The following DUXA variants were observed in gnomAD, a reference collection of about 807,000 sequenced individuals.
DUXA encodes the protein double homeobox A.
DUXA carries 25 observed loss-of-function variants against 27.5 expected under a neutral mutation model. The observed-to-expected ratio is 0.91, with a 90% CI of 0.66 to 1.27. The LOEUF is 1.27. DUXA is among the 50% of genes most tolerant of loss of function. The pLI is 0.00. For synonymous variants in DUXA, 90 were observed against 80.5 expected, an observed-to-expected ratio of 1.12 and a Z score of -0.63; for missense variants, 247 against 242.9, an observed-to-expected ratio of 1.02 and a Z score of -0.11.
At chr19:57,155,174 C>A in intron 5 of DUXA, 93 bp downstream of exon 5, 1 of 1,171,192 alleles carries the variant, frequency 8.5e-7, no homozygotes, top group Admixed American at 1.9e-5. Context: ...TATCCTCCAC[C>A]TCCCAGGAGG....
chr19:57,164,281 A>T (rs2087039597), intron 1 of DUXA, among the ~76,000 whole-genome samples: 1 of 152,180 alleles, frequency 6.6e-6, no homozygotes, highest in South Asian at 2.1e-4. Flanking sequence ...ACCCACAAAA[A>T]TTCAAAATCA....
At chr19:57,166,412 C>T (rs1272998096) in intron 1 of DUXA, among the ~76,000 whole-genome samples, 2 of 152,186 alleles carry the variant, frequency 1.3e-5, no homozygotes, top group African/African-American at 4.8e-5. Context: ...TGGGTTCAAG[C>T]AATTCTCCTG....
chr19:57,160,208 C>A (rs2087013651), intron 2 of DUXA, among the ~76,000 whole-genome samples: 1 of 152,080 alleles, frequency 6.6e-6, no homozygotes, highest in Non-Finnish European at 1.5e-5. Flanking sequence ...CTTCGGTGAG[C>A]CTTGATTGTG....
intron 1 of DUXA, among the ~76,000 whole-genome samples, chr19:57,163,993 G>C (rs1362319559): frequency 6.6e-6 from 1 of 152,032 alleles, no homozygotes; most frequent in African/African-American, 2.4e-5. Flanking sequence ...GGACAGGTGG[G>C]TTCCTTGAGT....
intron 3 of DUXA, 59 bp downstream of exon 3, chr19:57,159,108 G>T: frequency 6.9e-7 from 1 of 1,449,108 alleles, no homozygotes; most frequent in Non-Finnish European, 9.5e-7. Context: ...TTTCAAAGTC[G>T]CAGTTGGCTC....
At chr19:57,157,540 G>A (rs8108719) in intron 4 of DUXA, among the ~76,000 whole-genome samples, 109,489 of 151,662 alleles carry the variant, frequency 0.72, 39,849 homozygotes, top group South Asian at 0.85. Context: ...CATGTTGGCC[G>A]GGCTGGTCTT....
chr19:57,154,156 G>C lies in DUXA; in HGVS notation c.*256C>G, dbSNP rs2086978634. 2.6e-6 allele frequency: 1 copy of C among 380,930 alleles called. No homozygotes were observed. 23.6% of individuals were successfully genotyped at this position (380,930 alleles called of 1,614,324 possible). On this transcript the variant is annotated 3_prime_UTR_variant, in exon 6 of 6. Transcript: ENST00000554048. ...TCCTACAGTCCTTTTCATTTATTTT[G>C]TTTTTTTATAATAGAGGCAGAGTCT... is the stretch of plus-strand genomic sequence containing the variant.
chr19:57,165,321 AAAAATAT>A (rs1415262531), intron 1 of DUXA, among the ~76,000 whole-genome samples: 3 of 97,944 alleles, frequency 3.1e-5, no homozygotes, highest in African/African-American at 7.3e-5. Flanking sequence ...AAAAAAAAAA[AAAAATAT>A]ATATATATAT....
chr19:57,158,288 G>C, intron 4 of DUXA, 40 bp downstream of exon 4: 1 of 1,608,196 alleles, frequency 6.2e-7, no homozygotes, highest in Non-Finnish European at 8.5e-7. Flanking sequence ...TGTATACCTA[G>C]ATCCCTAGGA....
intron 1 of DUXA, among the ~76,000 whole-genome samples, chr19:57,162,255 C>G (rs1009899541): frequency 4.6e-5 from 7 of 152,046 alleles, no homozygotes; most frequent in African/African-American, 9.7e-5. Flanking sequence ...TAACAGTTTC[C>G]AAGGTATTTT....
At chr19:57,163,779 T>C (rs143220321) in intron 1 of DUXA, among the ~76,000 whole-genome samples, 3 of 152,348 alleles carry the variant, frequency 2.0e-5, no homozygotes, top group African/African-American at 7.2e-5. Flanking sequence ...TCTGAAAACA[T>C]ATCAATGAAC....
At chr19:57,167,071 T>C (rs1237066117) in intron 1 of DUXA, among the ~76,000 whole-genome samples, 1 of 152,102 alleles carries the variant, frequency 6.6e-6, no homozygotes, top group Admixed American at 6.6e-5. Context: ...ATTCCAAGGA[T>C]ATTTTGAGCT....
intron 3 of DUXA, 43 bp downstream of exon 3, chr19:57,159,124 T>C: frequency 6.4e-7 from 1 of 1,559,042 alleles, no homozygotes. Context: ...GGCTCCGCCG[T>C]AGAGAAGCTC....
At chr19:57,166,269 A>G (rs1205116926) in intron 1 of DUXA, among the ~76,000 whole-genome samples, 1 of 152,188 alleles carries the variant, frequency 6.6e-6, no homozygotes, top group Non-Finnish European at 1.5e-5. Context: ...TTTTTGTTGA[A>G]GGTTTTGAGC....
chr19:57,165,314 A>ATATATATAT (rs1234294237), intron 1 of DUXA, among the ~76,000 whole-genome samples: 1 of 76,582 alleles, frequency 1.3e-5, no homozygotes, highest in African/African-American at 5.6e-5. Flanking sequence ...AGTAGGAAAA[A>ATATATATAT]AAAAAAAAAA....
At chr19:57,155,478 TCTCA>T (rs2086988323) in intron 4 of DUXA, 106 bp from the exon 5 acceptor site, 1 of 831,602 alleles carries the variant, frequency 1.2e-6, no homozygotes, top group African/African-American at 1.7e-5. Context: ...CAGCGGTCTC[TCTCA>T]GAGTAGCTAG....
intron 5 of DUXA, among the ~76,000 whole-genome samples, chr19:57,154,884 G>T (rs534646179): frequency 2.0e-5 from 3 of 152,270 alleles, no homozygotes; most frequent in African/African-American, 7.2e-5. Flanking sequence ...AATCCAATAT[G>T]GAACCTACTA....
intron 3 of DUXA, 45 bp from the exon 4 acceptor site, chr19:57,158,518 T>C: frequency 6.2e-7 from 1 of 1,602,966 alleles, no homozygotes; most frequent in South Asian, 1.1e-5. Flanking sequence ...CAAGGAATAT[T>C]GCAAGGGTCC....
chr19:57,167,200 G>C (rs573663953), intron 1 of DUXA, among the ~76,000 whole-genome samples: 2 of 151,986 alleles, frequency 1.3e-5, no homozygotes, highest in South Asian at 4.2e-4. Flanking sequence ...GTCTTATTTA[G>C]TTCTTGAATA....
Sources: allele counts gnomAD v4.1 joint callset (sites outside exome capture counted in the v4.1 genomes callset), GRCh38; gene constraint gnomAD v4.1.1; transcripts MANE v1.5; gene names NCBI Gene and HGNC (gene_info 2026-07-23, HGNC 2026-07-21).